The following ADAM12 variants were observed in gnomAD, a reference collection of about 807,000 sequenced individuals.
ADAM12 encodes the protein ADAM metallopeptidase domain 12, also known as disintegrin and metalloproteinase domain-containing protein 12.
In ADAM12, 70 loss-of-function variants were observed where a neutral mutation model predicts 106.4. The observed-to-expected ratio is 0.66, with a 90% CI of 0.54 to 0.80. ADAM12 has a LOEUF of 0.80. Ranked by LOEUF, ADAM12 falls within the 30% of genes least tolerant of loss-of-function variation. The probability of loss-of-function intolerance (pLI) is 0.00; values close to 1 mark genes in which losing one functional copy is unlikely to be tolerated. For synonymous variants in ADAM12, 420 were observed against 433.5 expected, an observed-to-expected ratio of 0.97 and a Z score of 0.39; for missense variants, 1,010 against 1,171.9, an observed-to-expected ratio of 0.86 and a Z score of 2.02.
chr10:126,368,773 G>A (rs1856007041), intron 1 of ADAM12, among the ~76,000 whole-genome samples: 1 of 151,804 alleles, frequency 6.6e-6, no homozygotes, highest in Non-Finnish European at 1.5e-5. Flanking sequence ...AGTTTAAAAT[G>A]AGGGTAGAGG....
chr10:126,273,635 T>C (rs1254202113), intron 3 of ADAM12, among the ~76,000 whole-genome samples: 2 of 152,156 alleles, frequency 1.3e-5, no homozygotes, highest in African/African-American at 4.8e-5. Context: ...GGCGTGTCTG[T>C]TCCAGGTCTT....
chr10:126,165,964 A>G (rs994112471), intron 3 of ADAM12, among the ~76,000 whole-genome samples: 2 of 152,232 alleles, frequency 1.3e-5, no homozygotes, highest in Non-Finnish European at 2.9e-5. Flanking sequence ...AAGATTCAAA[A>G]TGATCAAAAC....
chr10:126,187,749 C>G (rs1350839392), intron 3 of ADAM12, among the ~76,000 whole-genome samples: 1 of 152,228 alleles, frequency 6.6e-6, no homozygotes, highest in Non-Finnish European at 1.5e-5. Flanking sequence ...ACGCTGGCCA[C>G]AGTGCACAGG....
At chr10:126,031,310 T>G (rs894390988) in intron 21 of ADAM12, among the ~76,000 whole-genome samples, 3 of 152,250 alleles carry the variant, frequency 2.0e-5, no homozygotes, top group Admixed American at 2.0e-4. Flanking sequence ...AGCAAGGACC[T>G]AATCCCCAGA....
At chr10:126,160,558 C>T (rs2169076) in intron 3 of ADAM12, among the ~76,000 whole-genome samples, 59,358 of 152,002 alleles carry the variant, frequency 0.39, 12,378 homozygotes, top group East Asian at 0.59. Context: ...GGAATCTGTG[C>T]TTCTGCAGCC....
chr10:126,283,135 G>A (rs1959669192), intron 2 of ADAM12, among the ~76,000 whole-genome samples: 1 of 152,020 alleles, frequency 6.6e-6, no homozygotes, highest in Admixed American at 6.6e-5. Flanking sequence ...TAGGGTTTGT[G>A]CTCCTATGAG....
At chr10:126,118,327 C>T (rs920220047) in intron 5 of ADAM12, 103 bp from the exon 6 acceptor site, 44 of 786,410 alleles carry the variant, frequency 5.6e-5, no homozygotes, top group Non-Finnish European at 5.3e-5. Flanking sequence ...AACAGAAACA[C>T]CAATTTACTT....
chr10:126,071,414 CTCT>C (rs1954986799), intron 12 of ADAM12, 60 bp downstream of exon 12: 4 of 1,572,710 alleles, frequency 2.5e-6, no homozygotes, highest in Middle Eastern at 3.4e-4. Flanking sequence ...TCCAAGTTCT[CTCT>C]TCTTTGCCTA....
chr10:126,233,215 C>A (rs1038856005), intron 3 of ADAM12, among the ~76,000 whole-genome samples: 3 of 152,060 alleles, frequency 2.0e-5, no homozygotes, highest in Non-Finnish European at 4.4e-5. Flanking sequence ...AGGGCACCAG[C>A]ATTTCAGACC....
intron 1 of ADAM12, among the ~76,000 whole-genome samples, chr10:126,364,147 TTTA>T (rs1855833562): frequency 6.6e-6 from 1 of 151,866 alleles, no homozygotes; most frequent in Admixed American, 6.6e-5. Context: ...TACTTTTTTT[TTTA>T]AAAAAATCTA....
Position 126,049,535 on chromosome 10 carries a change from T to C in ADAM12, c.1718+26A>G, listed in dbSNP as rs750186214. The C allele has an allele frequency of 8.7e-6, 14 of 1,613,792 alleles. No individual in the cohort carries two copies. The East Asian group carries it at 2.9e-4, about 33-fold the overall frequency. On this transcript the variant is annotated intron_variant, in intron 15 of 22. Coordinates refer to ENST00000448723, the MANE Select transcript of ADAM12 (RefSeq NM_001288973.2). The surrounding 1 kb of genome is among the most constrained non-coding windows in gnomAD (Gnocchi z 4.4). ...AATGTGGGAAGGTCAGAGCAAAGAC[T>C]TTGCCAGGATGTCTGGATTCCATAC...
intron 16 of ADAM12, among the ~76,000 whole-genome samples, chr10:126,046,958 C>G (rs1459712): frequency 0.25 from 38,559 of 151,870 alleles, 5,880 homozygotes; most frequent in East Asian, 0.54. Context: ...TTTCCAGATA[C>G]TGACTGACAA....
intron 2 of ADAM12, among the ~76,000 whole-genome samples, chr10:126,309,841 T>A (rs771402563): frequency 6.6e-6 from 1 of 152,070 alleles, no homozygotes; most frequent in Non-Finnish European, 1.5e-5. Flanking sequence ...CAGGTAAAGA[T>A]TTTGTGTCAT....
intron 3 of ADAM12, among the ~76,000 whole-genome samples, chr10:126,214,863 C>T (rs1358990415): frequency 2.0e-5 from 3 of 152,190 alleles, no homozygotes; most frequent in Non-Finnish European, 2.9e-5. Context: ...CTCTCACGCC[C>T]GCTGGCTGGA....
intron 17 of ADAM12, among the ~76,000 whole-genome samples, chr10:126,044,729 G>A (rs887748978): frequency 1.3e-5 from 2 of 152,194 alleles, no homozygotes; most frequent in Admixed American, 6.5e-5. Flanking sequence ...TAAGAAGGCC[G>A]ACTGTCAAGA....
intron 18 of ADAM12, chr10:126,041,613 G>T (rs1954172347): frequency 1.0e-6 from 1 of 986,440 alleles, no homozygotes; most frequent in Non-Finnish European, 1.2e-6. Flanking sequence ...GGAATGGGTG[G>T]CAGGGTCTCT....
chr10:126,379,492 GA>G (rs1856416541), intron 1 of ADAM12, among the ~76,000 whole-genome samples: 1 of 152,090 alleles, frequency 6.6e-6, no homozygotes, highest in Non-Finnish European at 1.5e-5. Context: ...GTTGAACAAT[GA>G]GAACACATGG....
chr10:126,111,042 A>G (rs1955858969), intron 6 of ADAM12, among the ~76,000 whole-genome samples: 1 of 152,236 alleles, frequency 6.6e-6, no homozygotes, highest in Non-Finnish European at 1.5e-5. Context: ...TCCTGAGGGA[A>G]ACATCTTTTA....
intron 14 of ADAM12, among the ~76,000 whole-genome samples, chr10:126,062,725 G>T (rs1294177450): frequency 6.6e-6 from 1 of 152,140 alleles, no homozygotes; most frequent in Non-Finnish European, 1.5e-5. Context: ...AATACGGCAG[G>T]GCATTAAGGA....
Sources: gnomAD v4.1 joint callset for allele counts (sites outside exome capture counted in the v4.1 genomes callset) on GRCh38, gnomAD v4.1.1 for gene constraint, Gnocchi (gnomAD v3.1) non-coding constraint, MANE v1.5 for transcripts, NCBI Gene and HGNC (gene_info 2026-07-23, HGNC 2026-07-21) for gene names.